Variants in ERC1 observed in about 807,000 individuals in gnomAD.
The protein encoded by ERC1 is ELKS/RAB6-interacting/CAST family member 1.
Under a neutral mutation model 132.0 loss-of-function variants are expected in ERC1, and 56 were observed. The ratio of observed to expected loss-of-function variants is 0.42; its 90% CI spans 0.34 to 0.53. The LOEUF is 0.53. ERC1 is among the 20% of genes least tolerant of loss of function. The probability of loss-of-function intolerance (pLI) is 0.03; values close to 1 mark genes in which losing one functional copy is unlikely to be tolerated. For synonymous variants in ERC1, 478 were observed against 476.1 expected (o/e 1.00, Z -0.05); for missense variants, 1,202 against 1,349.9 (o/e 0.89, Z 1.72).
At chr12:1,115,426 A>T (rs1403057680) in intron 6 of ERC1, among the ~76,000 whole-genome samples, 2 of 152,212 alleles carry the variant, frequency 1.3e-5, no homozygotes, top group African/African-American at 4.8e-5. Context: ...TAGTACTAGG[A>T]GGTTTCTAAA....
At chr12:1,434,634 C>T (rs891385643) in intron 17 of ERC1, among the ~76,000 whole-genome samples, 6 of 152,166 alleles carry the variant, frequency 3.9e-5, no homozygotes, top group African/African-American at 1.4e-4. Context: ...ATCTCCAGTC[C>T]CTGCTTAATG....
intron 16 of ERC1, among the ~76,000 whole-genome samples, chr12:1,376,912 T>G (rs1417200026): frequency 6.6e-6 from 1 of 152,154 alleles, no homozygotes; most frequent in African/African-American, 2.4e-5. Context: ...GCATCACCTT[T>G]CGGTACACGC....
chr12:1,213,512 G>A (rs1186869117), intron 12 of ERC1, among the ~76,000 whole-genome samples: 5 of 151,924 alleles, frequency 3.3e-5, no homozygotes, highest in Non-Finnish European at 5.9e-5. Context: ...CGAGGTGGGC[G>A]GATCACTCAA....
intron 2 of ERC1, among the ~76,000 whole-genome samples, chr12:1,043,535 T>C (rs1020237129): frequency 6.6e-6 from 1 of 152,172 alleles, no homozygotes; most frequent in Non-Finnish European, 1.5e-5. Flanking sequence ...AAGGTGTTTC[T>C]AGGATTTAGG....
intron 2 of ERC1, among the ~76,000 whole-genome samples, chr12:1,038,455 A>G (rs1969536897): frequency 6.6e-6 from 1 of 151,684 alleles, no homozygotes; most frequent in African/African-American, 2.4e-5. Context: ...TCCGCCTCCC[A>G]GGTTCAAGCA....
At chr12:1,241,670 A>G (rs1476635907) in intron 13 of ERC1, among the ~76,000 whole-genome samples, 5 of 152,116 alleles carry the variant, frequency 3.3e-5, no homozygotes, top group Admixed American at 6.5e-5. Context: ...ACATAGATTT[A>G]AAGTACTCTT....
chr12:1,413,636 C>G (rs530246595), intron 17 of ERC1, among the ~76,000 whole-genome samples: 40 of 152,104 alleles, frequency 2.6e-4, no homozygotes, highest in Non-Finnish European at 5.6e-4. Context: ...AATTGGTTCT[C>G]TCTCTCACAT....
intron 8 of ERC1, among the ~76,000 whole-genome samples, chr12:1,146,328 TTTTTTG>T: frequency 6.9e-6 from 1 of 145,884 alleles, no homozygotes; most frequent in Non-Finnish European, 1.5e-5. Context: ...TTTTTTTTTT[TTTTTTG>T]CAGTTATTGT....
In ERC1 at chr12:1,032,103, C is replaced by T. The variant is rs528345655; in HGVS notation, c.669+3531C>T. On this transcript the variant is annotated intron_variant, in intron 2 of 18. Coordinates refer to ENST00000360905, the MANE Select transcript of ERC1 (RefSeq NM_178040.4). Reference sequence around the variant, plus strand: ...CTCTGTAGCCCAGGCTGGAGTGCAGCGATGCGATCTTGGCTCACTGCAACC... The same window carrying T: ...CTCTGTAGCCCAGGCTGGAGTGCAGTGATGCGATCTTGGCTCACTGCAACC... Among the ~76,000 whole-genome samples, 6 of 149,930 alleles carry T rather than the reference C, an allele frequency of 4.0e-5. No homozygotes were observed. The East Asian group carries it at 7.9e-4, about 20-fold the overall frequency.
chr12:1,420,847 A>C (rs1487473447), intron 17 of ERC1, among the ~76,000 whole-genome samples: 2 of 138,542 alleles, frequency 1.4e-5, no homozygotes, highest in Non-Finnish European at 3.1e-5. Context: ...CAGTGTGTGG[A>C]GTGCAAGGGT....
At chr12:1,374,493 A>G (rs991840177) in intron 16 of ERC1, among the ~76,000 whole-genome samples, 2 of 152,114 alleles carry the variant, frequency 1.3e-5, no homozygotes, top group African/African-American at 2.4e-5. Context: ...AAAATAAACT[A>G]AGGCTGTCTA....
At chr12:1,324,256 G>A (rs1370989922) in intron 15 of ERC1, among the ~76,000 whole-genome samples, 3 of 152,156 alleles carry the variant, frequency 2.0e-5, no homozygotes, top group South Asian at 2.1e-4. Flanking sequence ...GTCTTCTCTC[G>A]TCATTGGCAG....
chr12:1,035,173 A>G (rs1968824583), intron 2 of ERC1, among the ~76,000 whole-genome samples: 1 of 152,226 alleles, frequency 6.6e-6, no homozygotes. Flanking sequence ...TGCATTCATT[A>G]TACCCTCCAT....
chr12:1,103,315 A>G (rs1032870239), intron 3 of ERC1, among the ~76,000 whole-genome samples: 9 of 152,172 alleles, frequency 5.9e-5, no homozygotes, highest in African/African-American at 2.2e-4. Context: ...GGGAAGAGCG[A>G]TGAGATGAGG....
intron 12 of ERC1, among the ~76,000 whole-genome samples, chr12:1,206,849 A>G (rs936534860): frequency 4.6e-5 from 7 of 152,082 alleles, no homozygotes; most frequent in Non-Finnish European, 5.9e-5. Context: ...AATGTTTAGA[A>G]TATGTGTGAT....
rs902585688 is a variant in ERC1 at position 1,474,479 on chromosome 12, C to G, written c.3214-15614C>G. 6.6e-5 allele frequency among the ~76,000 whole-genome samples: 10 copies of G among 152,202 alleles called. No homozygotes were observed. The East Asian group carries it at 1.9e-3, about 29-fold the overall frequency. Reference sequence around the variant, plus strand: ...TTGAAATCAGGCCAAGTCCACAGAACTTTTAACTGTATTTTCTCTTTTACA... The same window carrying G: ...TTGAAATCAGGCCAAGTCCACAGAAGTTTTAACTGTATTTTCTCTTTTACA... On this transcript the variant is annotated intron_variant, in intron 18 of 18. Coordinates refer to ENST00000360905, the MANE Select transcript of ERC1 (RefSeq NM_178040.4).
intron 13 of ERC1, among the ~76,000 whole-genome samples, chr12:1,250,998 C>T (rs1254866795): frequency 1.3e-5 from 2 of 152,128 alleles, no homozygotes; most frequent in East Asian, 3.8e-4. Context: ...GGAAAATCAG[C>T]TTTACATATA....
intron 16 of ERC1, among the ~76,000 whole-genome samples, chr12:1,375,733 C>CTTTTTTTTT (rs35535185): frequency 9.3e-6 from 1 of 107,114 alleles, no homozygotes; most frequent in African/African-American, 4.2e-5. Flanking sequence ...GCTCTTGTTC[C>CTTTTTTTTT]TTTTTTTTTT....
chr12:1,282,739 G>T (rs7971724), intron 14 of ERC1, among the ~76,000 whole-genome samples: 4,387 of 152,246 alleles, frequency 0.029, 219 homozygotes, highest in African/African-American at 0.1. Context: ...TCAAGAGCTT[G>T]TTACCTTTTT....
Sources: gnomAD v4.1 joint callset for allele counts (sites outside exome capture counted in the v4.1 genomes callset) on GRCh38, gnomAD v4.1.1 for gene constraint, MANE v1.5 for transcripts, NCBI Gene and HGNC (gene_info 2026-07-23, HGNC 2026-07-21) for gene names.